The following DTL variants were observed in gnomAD, a reference collection of about 807,000 sequenced individuals.
The protein encoded by DTL is denticleless E3 ubiquitin protein ligase adapter.
In DTL, 46 loss-of-function variants were observed where a neutral mutation model predicts 87.0. The observed-to-expected ratio is 0.53, with a 90% CI of 0.42 to 0.68. DTL has a LOEUF of 0.68. Among genes scored for constraint, DTL ranks in the 30% least tolerant of loss-of-function variants. The probability of loss-of-function intolerance (pLI) is 0.00; values close to 1 mark genes in which losing one functional copy is unlikely to be tolerated. For missense variants in DTL, 737 were observed against 869.4 expected, an observed-to-expected ratio of 0.85 and a Z score of 1.91; for synonymous variants, 308 against 311.2, an observed-to-expected ratio of 0.99 and a Z score of 0.11.
At chr1:212,047,126 C>G (rs561544384) in intron 3 of DTL, 25 bp from the exon 4 acceptor site, 1 of 1,608,954 alleles carries the variant, frequency 6.2e-7, no homozygotes, top group East Asian at 2.2e-5. Context: ...TTAGACATTT[C>G]ACATTTACCA....
chr1:212,085,200 G>A (rs1259553340), intron 13 of DTL, among the ~76,000 whole-genome samples: 1 of 152,132 alleles, frequency 6.6e-6, no homozygotes, highest in African/African-American at 2.4e-5. Context: ...AAGATATAGA[G>A]AGTCAACTAT....
At chr1:212,057,051 A>G (rs1422354951) in intron 5 of DTL, among the ~76,000 whole-genome samples, 5 of 152,210 alleles carry the variant, frequency 3.3e-5, no homozygotes, top group African/African-American at 1.2e-4. Flanking sequence ...GAAGGCAAAG[A>G]TAAAATGAAA....
intron 5 of DTL, among the ~76,000 whole-genome samples, chr1:212,057,721 A>G (rs1668222038): frequency 6.6e-6 from 1 of 152,156 alleles, no homozygotes; most frequent in African/African-American, 2.4e-5. Flanking sequence ...AAAGTTAGGA[A>G]TAAGCCTTCA....
rs1371900181 is a variant in DTL, at chr1:212,104,388, A to G, written c.*1448A>G. The stretch of plus-strand genomic sequence containing the variant: ...AGCATAGTTTTATCCAGGGAGAAAA[A>G]TAAAAGGAAGCCATAGAATTGCTCT... On this transcript the variant is annotated 3_prime_UTR_variant, in exon 15 of 15. Coordinates refer to ENST00000366991, the MANE Select transcript of DTL (RefSeq NM_016448.4). The G allele has an allele frequency of 3.9e-5, 6 of 152,214 alleles. No homozygotes were observed. Among genetic ancestry groups the G allele is most frequent in the Non-Finnish European group, 8.8e-5 (6 of 68,044 alleles). 9.4% of individuals were successfully genotyped at this position (152,214 alleles called of 1,614,324 possible).
At chr1:212,093,153 C>T (rs1392611694) in intron 13 of DTL, among the ~76,000 whole-genome samples, 2 of 152,006 alleles carry the variant, frequency 1.3e-5, no homozygotes, top group Admixed American at 6.6e-5. Flanking sequence ...CCTTGCAGGG[C>T]GTGCGATGAG....
Position 212,078,196 on chromosome 1 carries a change from T to A in DTL, c.1059T>A (p.Pro353=). 6.2e-7 allele frequency: 1 copy of A among 1,612,100 alleles called. No individual in the cohort carries two copies. The highest frequency in any genetic ancestry group is 8.5e-7 in the Non-Finnish European group (1 of 1,178,270). ...IWKVSTPWQP[P]TVLLGHSQEV... is the part of the protein sequence containing the mutation. The stretch of plus-strand genomic sequence containing the variant: ...AGGTCTCCACACCCTGGCAACCTCC[T>A]ACTGTGCTCCTGGGTCATTCTCAAG... The change falls in exon 12 of 15, where the codon CCT becomes CCA. Residue 353 remains proline (P), a synonymous_variant. Coordinates refer to ENST00000366991, the MANE Select transcript of DTL (RefSeq NM_016448.4).
rs533663824 is a variant in DTL at position 212,042,924 on chromosome 1, T to G, written c.53-69T>G. 1.1e-4 allele frequency: 156 copies of G among 1,450,090 alleles called. 5 individuals are homozygous for G. The South Asian group carries it at 2.0e-3, about 18-fold the overall frequency. 89.8% of individuals were successfully genotyped at this position (1,450,090 alleles called of 1,614,324 possible). On this transcript the variant is annotated intron_variant, in intron 1 of 14. Transcript: ENST00000366991. ...AGTTTCTTAAGGACAAATATTTACC[T>G]CTGAATTTGTTAAAAATGCTGAAAT...
At chr1:212,039,293 A>C (rs963435776) in intron 1 of DTL, among the ~76,000 whole-genome samples, 17 of 152,226 alleles carry the variant, frequency 1.1e-4, no homozygotes, top group Non-Finnish European at 1.5e-4. Context: ...TAAAGAGATG[A>C]ATTTGGGTGT....
At chr1:212,052,406 G>A (rs1461835798) in intron 5 of DTL, among the ~76,000 whole-genome samples, 1 of 152,092 alleles carries the variant, frequency 6.6e-6, no homozygotes, top group Non-Finnish European at 1.5e-5. Flanking sequence ...AGAGGCTGAG[G>A]CAGGCAGATC....
At chr1:212,037,730 G>T (rs1667530102) in intron 1 of DTL, among the ~76,000 whole-genome samples, 2 of 152,282 alleles carry the variant, frequency 1.3e-5, no homozygotes, top group South Asian at 4.1e-4. Flanking sequence ...CCAAGTTTTG[G>T]TGTATCAGCG....
intron 5 of DTL, among the ~76,000 whole-genome samples, chr1:212,055,803 G>A (rs1444284033): frequency 2.0e-5 from 3 of 152,108 alleles, no homozygotes; most frequent in Non-Finnish European, 4.4e-5. Flanking sequence ...GGTCACTGAG[G>A]GCAGTTCCAC....
rs144121726 is a variant in DTL at position 212,083,477 on chromosome 1, T to A, written c.1261+2727T>A. On this transcript the variant is annotated intron_variant, in intron 13 of 14. Coordinates refer to ENST00000366991, the MANE Select transcript of DTL (RefSeq NM_016448.4). ...TAGCAGTGGATTGAGGATAAAAGATTGTTGGAATTGAAATACTAAAGGGAG... is the reference window on the plus strand; with the variant it reads ...TAGCAGTGGATTGAGGATAAAAGATAGTTGGAATTGAAATACTAAAGGGAG... 3.9e-5 allele frequency among the ~76,000 whole-genome samples: 6 copies of A among 152,210 alleles called. No homozygotes were observed. In the East Asian group the frequency reaches 1.2e-3, roughly 29 times the overall value.
intron 5 of DTL, among the ~76,000 whole-genome samples, chr1:212,051,319 A>G (rs920132379): frequency 6.6e-6 from 1 of 152,042 alleles, no homozygotes; most frequent in Non-Finnish European, 1.5e-5. Flanking sequence ...TTCCTTGAAC[A>G]ACGTATTTAA....
chr1:212,095,879 T>C (rs1314957362), intron 13 of DTL, among the ~76,000 whole-genome samples: 2 of 152,226 alleles, frequency 1.3e-5, no homozygotes, highest in African/African-American at 2.4e-5. Flanking sequence ...AGAGTGATAC[T>C]GGCTTCATAG....
rs1006096003 is a variant in DTL, at chr1:212,073,749, T to G, written c.1035+1536T>G. ...ACAAGCATATTTCTTTCTTTTGTTA[T>G]ATTTTTAAATGCCTATAAAGTATAT... On this transcript the variant is annotated intron_variant, in intron 11 of 14. Transcript: ENST00000366991. Among the ~76,000 whole-genome samples, 8 of 152,294 alleles carry G rather than the reference T, an allele frequency of 5.3e-5. No individual in the cohort carries two copies. The East Asian group carries it at 1.5e-3, about 29-fold the overall frequency.
At chr1:212,054,792 CAAAAAAAAAA>C (rs756328781) in intron 5 of DTL, among the ~76,000 whole-genome samples, 4 of 68,532 alleles carry the variant, frequency 5.8e-5, no homozygotes, top group Non-Finnish European at 1.0e-4. Context: ...GACACCACCT[CAAAAAAAAAA>C]AAAAAAAAAA....
intron 1 of DTL, among the ~76,000 whole-genome samples, chr1:212,040,556 G>A (rs1667608994): frequency 6.6e-6 from 1 of 152,202 alleles, no homozygotes; most frequent in South Asian, 2.1e-4. Flanking sequence ...CTATATACTT[G>A]CCCTTCTCAT....
intron 5 of DTL, among the ~76,000 whole-genome samples, chr1:212,062,361 C>T (rs942149781): frequency 2.0e-5 from 3 of 152,166 alleles, no homozygotes; most frequent in Non-Finnish European, 2.9e-5. Flanking sequence ...CCCAGGCAAC[C>T]TCTTTAACAA....
chr1:212,052,740 AT>A (rs201733557), intron 5 of DTL, among the ~76,000 whole-genome samples: 2,696 of 142,084 alleles, frequency 0.019, 28 homozygotes, highest in Middle Eastern at 0.041. Context: ...ATATATATAT[AT>A]TTTTTTTCAA....
Sources: gnomAD v4.1 joint callset for allele counts (sites outside exome capture counted in the v4.1 genomes callset) on GRCh38, gnomAD v4.1.1 for gene constraint, MANE v1.5 for transcripts, NCBI Gene and HGNC (gene_info 2026-07-23, HGNC 2026-07-21) for gene names.